RHCE: variants seen among roughly 807,000 people sequenced by gnomAD.
The protein encoded by RHCE is Rh blood group CcEe antigens.
RHCE carries 22 observed loss-of-function variants against 43.8 expected under a neutral mutation model. The observed-to-expected ratio is 0.50, with a 90% CI of 0.36 to 0.72. RHCE has a LOEUF of 0.72. RHCE is among the 30% of genes least tolerant of loss of function. The pLI is 0.00. For synonymous variants in RHCE, 156 were observed against 210.7 expected (o/e 0.74, Z 2.25); for missense variants, 385 against 525.4 (o/e 0.73, Z 2.61).
At chr1:25,369,216 A>G (rs966884689) in intron 9 of RHCE, among the ~76,000 whole-genome samples, 1 of 151,684 alleles carries the variant, frequency 6.6e-6, no homozygotes, top group Non-Finnish European at 1.5e-5. Context: ...GTCCAGGCCC[A>G]TAATAAGGCT....
At chr1:25,400,114 T>C (rs1317439568) in intron 3 of RHCE, among the ~76,000 whole-genome samples, 1 of 152,200 alleles carries the variant, frequency 6.6e-6, no homozygotes, top group Non-Finnish European at 1.5e-5. Context: ...TTCATCTCTC[T>C]TCTGTATCAT....
intron 8 of RHCE, among the ~76,000 whole-genome samples, chr1:25,373,685 C>T (rs1180761440): frequency 2.0e-5 from 3 of 151,634 alleles, no homozygotes; most frequent in Non-Finnish European, 2.9e-5. Context: ...AGTGACATGC[C>T]CAATGTCACC....
chr1:25,394,528 T>C (rs764206920), intron 3 of RHCE, among the ~76,000 whole-genome samples: 7 of 152,200 alleles, frequency 4.6e-5, no homozygotes, highest in South Asian at 2.1e-4. Flanking sequence ...TTCTCCATTT[T>C]ATTTTTCTCT....
At chr1:25,379,847 T>C (rs1352749974) in intron 7 of RHCE, among the ~76,000 whole-genome samples, 1 of 152,096 alleles carries the variant, frequency 6.6e-6, no homozygotes, top group Non-Finnish European at 1.5e-5. Flanking sequence ...GCTAACTTTT[T>C]ATTTTTATTT....
intron 7 of RHCE, among the ~76,000 whole-genome samples, chr1:25,380,975 C>A (rs967102833): frequency 6.8e-6 from 1 of 147,564 alleles, no homozygotes; most frequent in Non-Finnish European, 1.5e-5. Context: ...GATCTCGGCT[C>A]ACTGCAAGCT....
intron 2 of RHCE, among the ~76,000 whole-genome samples, chr1:25,427,247 A>G (rs1483368869): frequency 6.6e-6 from 1 of 152,238 alleles, no homozygotes; most frequent in Admixed American, 6.5e-5. Context: ...ACAGGGTTTA[A>G]TGATCTGGCC....
intron 6 of RHCE, among the ~76,000 whole-genome samples, chr1:25,386,603 C>T (rs1239742699): frequency 1.3e-5 from 2 of 152,264 alleles, no homozygotes; most frequent in African/African-American, 4.8e-5. Context: ...GGTGGATCAC[C>T]TGAAGTCAAG....
At chr1:25,424,395 GT>G (rs971176369), upstream of RHCE, among the ~76,000 whole-genome samples, 22 of 147,722 alleles carry the variant, frequency 1.5e-4, no homozygotes, top group African/African-American at 4.2e-4. Flanking sequence ...TTTTTGCTGT[GT>G]TTTTTTTTTA....
At chr1:25,402,984 G>A (rs1166926233) in intron 2 of RHCE, among the ~76,000 whole-genome samples, 2 of 151,582 alleles carry the variant, frequency 1.3e-5, no homozygotes, top group Admixed American at 1.3e-4. Context: ...TAACCACTCT[G>A]TGCCTCAGTG....
intron 2 of RHCE, among the ~76,000 whole-genome samples, chr1:25,404,522 T>G (rs1174352231): frequency 2.0e-5 from 3 of 151,168 alleles, no homozygotes; most frequent in African/African-American, 7.3e-5. Context: ...AGGTTATTCC[T>G]TTTAAGTGGG....
intron 8 of RHCE, among the ~76,000 whole-genome samples, chr1:25,371,845 G>A (rs1174327705): frequency 6.6e-6 from 1 of 151,462 alleles, no homozygotes; most frequent in East Asian, 1.9e-4. Flanking sequence ...CAGTTCCAGT[G>A]TCGTTAACAA....
At chr1:25,379,478 TA>T (rs1645905848) in intron 7 of RHCE, among the ~76,000 whole-genome samples, 1 of 9,282 alleles carries the variant, frequency 1.1e-4, no homozygotes, top group African/African-American at 7.4e-4. Flanking sequence ...TATATATATA[TA>T]TATATATATA....
rs140126061 is a variant in RHCE, at chr1:25,406,041, G to C, written c.335+2642C>G. On this transcript the variant is annotated intron_variant, in intron 2 of 9. Coordinates refer to ENST00000294413, the MANE Select transcript of RHCE (RefSeq NM_020485.8). ...GACTTCTCTCCCTTCTCATCTTCCT[G>C]GATTGAGTCAAGAATGAACAGGTCC... 5.7e-4 allele frequency among the ~76,000 whole-genome samples: 70 copies of C among 122,620 alleles called. 28 individuals are homozygous for C. In the East Asian group the frequency reaches 0.029, roughly 51 times the overall value. 80.4% of individuals were successfully genotyped at this position (122,620 alleles called of 152,430 possible).
Position 25,362,356 on chromosome 1 carries a change from A to T in RHCE, c.*171T>A, listed in dbSNP as rs538924300. On this transcript the variant is annotated 3_prime_UTR_variant, in exon 10 of 10. Coordinates refer to ENST00000294413, the MANE Select transcript of RHCE (RefSeq NM_020485.8). ...TTTAAACTTATTAAATTGACTCTTA[A>T]ACTAAGTTTTTAGTCTTTAATTTTT... 6.9e-7 allele frequency: 1 copy of T among 1,452,182 alleles called. No individual in the cohort carries two copies. Among genetic ancestry groups the T allele is most frequent in the Non-Finnish European group, 9.4e-7 (1 of 1,064,696 alleles). 90.0% of individuals were successfully genotyped at this position (1,452,182 alleles called of 1,614,324 possible). A position where few individuals can be genotyped will look rare whatever the true frequency, so the allele number is the denominator to read the frequency against.
At chr1:25,372,881 T>A (rs1270973878) in intron 8 of RHCE, among the ~76,000 whole-genome samples, 1 of 151,656 alleles carries the variant, frequency 6.6e-6, no homozygotes, top group Non-Finnish European at 1.5e-5. Flanking sequence ...CTCAGCTCAC[T>A]GCAACTTCTG....
rs1363728943 is a variant in RHCE at position 25,408,246 on chromosome 1, C to T, written c.335+437G>A. Among the ~76,000 whole-genome samples the T allele has an allele frequency of 2.5e-5, 3 of 119,764 alleles. 1 individual carries two copies. Among genetic ancestry groups the T allele is most frequent in the African/African-American group, 7.8e-5 (3 of 38,442 alleles). 78.6% of individuals were successfully genotyped at this position (119,764 alleles called of 152,430 possible). ...AGGTTGTGGTGTGCCGAGATAGCGC[C>T]ATTGCACTCCAGCCTGGGCAACAAA... On this transcript the variant is annotated intron_variant, in intron 2 of 9. Transcript: ENST00000294413.
At chr1:25,415,315 C>T (rs901842018) in intron 1 of RHCE, among the ~76,000 whole-genome samples, 2 of 152,150 alleles carry the variant, frequency 1.3e-5, no homozygotes, top group Admixed American at 6.5e-5. Context: ...TGGAAGAAAA[C>T]AAGCAATTCT....
chr1:25,424,961 C>T (rs551403667), upstream of RHCE, among the ~76,000 whole-genome samples: 4 of 152,128 alleles, frequency 2.6e-5, no homozygotes, highest in East Asian at 7.7e-4. Context: ...GGACTACAGG[C>T]ATGAGCCACC....
At chr1:25,385,593 C>T (rs997895825) in intron 7 of RHCE, 118 bp downstream of exon 7, 44 of 1,434,550 alleles carry the variant, frequency 3.1e-5, no homozygotes, top group South Asian at 2.0e-4. Context: ...AAATATTCAC[C>T]GAAGCCTACT....
Sources: gnomAD v4.1 joint callset for allele counts (sites outside exome capture counted in the v4.1 genomes callset) on GRCh38, gnomAD v4.1.1 for gene constraint, MANE v1.5 for transcripts, NCBI Gene and HGNC (gene_info 2026-07-23, HGNC 2026-07-21) for gene names.